The following ROBO2 variants were observed in gnomAD, a reference collection of about 807,000 sequenced individuals.
The protein encoded by ROBO2 is roundabout guidance receptor 2.
ROBO2 carries 53 observed loss-of-function variants against 160.8 expected under a neutral mutation model. That is an observed-to-expected ratio of 0.33 (90% CI 0.26 to 0.41). The LOEUF (loss-of-function observed/expected upper bound fraction) is 0.41, where lower values mean the gene tolerates loss of function less well. Among genes scored for constraint, ROBO2 ranks in the 10% least tolerant of loss-of-function variants. ROBO2 has a pLI of 1.00. For missense variants in ROBO2, 1,577 were observed against 1,722.4 expected, an observed-to-expected ratio of 0.92 and a Z score of 1.49; for synonymous variants, 664 against 611.7, an observed-to-expected ratio of 1.09 and a Z score of -1.26.
chr3:76,889,069 C>T (rs984685581), intron 2 of ROBO2, among the ~76,000 whole-genome samples: 3 of 152,160 alleles, frequency 2.0e-5, no homozygotes, highest in African/African-American at 7.2e-5. Flanking sequence ...GCCAGGCCTA[C>T]ACAACTTCCT....
Position 76,116,035 on chromosome 3 carries a change from A to G in ROBO2, c.109+178433A>G, listed in dbSNP as rs959439374. 2.6e-5 allele frequency among the ~76,000 whole-genome samples: 4 copies of G among 152,186 alleles called. No individual in the cohort carries two copies. The East Asian group carries it at 7.7e-4, about 29-fold the overall frequency. The stretch of plus-strand genomic sequence containing the variant: ...TAACTGGTTTTAACCAAAGTTCAAC[A>G]TATCAGTATTGTTAGAACCAGGTCT... On this transcript the variant is annotated intron_variant, in intron 2 of 26. Coordinates refer to the ROBO2 transcript ENST00000487694.
intron 17 of ROBO2, among the ~76,000 whole-genome samples, chr3:77,594,397 G>C (rs1257505492): frequency 6.6e-6 from 1 of 152,098 alleles, no homozygotes; most frequent in African/African-American, 2.4e-5. Flanking sequence ...ATGTTGTTAG[G>C]TTTGTAGGCT....
intron 2 of ROBO2, among the ~76,000 whole-genome samples, chr3:76,001,522 G>GTGTGTGTA (rs1224612065): frequency 6.6e-6 from 1 of 151,982 alleles, no homozygotes; most frequent in Non-Finnish European, 1.5e-5. Context: ...ATGTGTGTGT[G>GTGTGTGTA]TGTGTGTATG....
intron 2 of ROBO2, among the ~76,000 whole-genome samples, chr3:77,301,878 T>TC (rs1293004828): frequency 1.3e-5 from 2 of 150,388 alleles, no homozygotes; most frequent in Admixed American, 6.6e-5. Context: ...AGCTTCAATT[T>TC]CCTTTTTTTT....
intron 2 of ROBO2, among the ~76,000 whole-genome samples, chr3:76,214,474 C>T (rs1338624553): frequency 6.6e-6 from 1 of 152,172 alleles, no homozygotes; most frequent in Non-Finnish European, 1.5e-5. Flanking sequence ...TAATACTGTG[C>T]TTTTCCAATG....
rs148799202 is a variant in ROBO2, at chr3:76,222,383, A to G, written c.109+284781A>G. ...AGAAAGTATACTTGGAAGAGGGCCA[A>G]GTGGGTGACTTGAAAGACAAGTGTA... On this transcript the variant is annotated intron_variant, in intron 2 of 26. Transcript: ENST00000487694. Among the ~76,000 whole-genome samples, 847 of 152,302 alleles carry G rather than the reference A, an allele frequency of 5.6e-3. 3 individuals are homozygous for G. The highest frequency in any genetic ancestry group is 7.9e-3 in the Non-Finnish European group (539 of 68,038).
intron 16 of ROBO2, among the ~76,000 whole-genome samples, chr3:77,585,619 G>A (rs148007993): frequency 3.9e-4 from 60 of 151,940 alleles, no homozygotes; most frequent in African/African-American, 1.4e-3. Flanking sequence ...TCTATTTTTT[G>A]TGTACACACA....
intron 2 of ROBO2, among the ~76,000 whole-genome samples, chr3:77,225,795 A>G (rs773350699): frequency 1.3e-5 from 2 of 152,032 alleles, no homozygotes; most frequent in African/African-American, 2.4e-5. Context: ...AGCTTATAAT[A>G]ATGTTTAAAA....
At chr3:76,251,146 C>T (rs1045865658) in intron 2 of ROBO2, among the ~76,000 whole-genome samples, 5 of 151,914 alleles carry the variant, frequency 3.3e-5, no homozygotes, top group Admixed American at 2.6e-4. Flanking sequence ...GGTATAAACA[C>T]CATCTATAAT....
chr3:76,669,354 A>G (rs2092175105), intron 2 of ROBO2, among the ~76,000 whole-genome samples: 1 of 152,152 alleles, frequency 6.6e-6, no homozygotes, highest in Non-Finnish European at 1.5e-5. Flanking sequence ...AAAACTTAAC[A>G]TATTTCTTTC....
chr3:75,960,564 C>G (rs372871559), intron 2 of ROBO2, among the ~76,000 whole-genome samples: 42 of 151,684 alleles, frequency 2.8e-4, no homozygotes, highest in African/African-American at 9.9e-4. Context: ...CAAATTTTCT[C>G]GACATTTTTG....
At chr3:76,693,264 G>GTC (rs563769501) in intron 2 of ROBO2, among the ~76,000 whole-genome samples, 2,719 of 105,112 alleles carry the variant, frequency 0.026, 102 homozygotes, top group African/African-American at 0.11. Flanking sequence ...ATACATACAT[G>GTC]TCTCTCTCTC....
chr3:76,710,142 TAG>T (rs2093261183), intron 2 of ROBO2, among the ~76,000 whole-genome samples: 1 of 150,678 alleles, frequency 6.6e-6, no homozygotes, highest in Non-Finnish European at 1.5e-5. Flanking sequence ...TTTTTTGAGA[TAG>T]AGTCTCACTC....
intron 20 of ROBO2, among the ~76,000 whole-genome samples, chr3:77,604,889 T>G (rs139000918): frequency 6.6e-5 from 10 of 152,212 alleles, no homozygotes; most frequent in Admixed American, 6.5e-4. Flanking sequence ...ATTACCCTCT[T>G]TGAAACACTT....
chr3:76,467,295 A>C (rs188765041), intron 2 of ROBO2, among the ~76,000 whole-genome samples: 3 of 152,168 alleles, frequency 2.0e-5, no homozygotes, highest in African/African-American at 7.2e-5. Flanking sequence ...ATTTTAAAAA[A>C]CTCATGGTTA....
chr3:76,109,696 T>C lies in ROBO2; in HGVS notation c.109+172094T>C, dbSNP rs72894564. 4.2e-3 allele frequency among the ~76,000 whole-genome samples: 645 copies of C among 152,126 alleles called. 9 individuals are homozygous for C. Among genetic ancestry groups the C allele is most frequent in the African/African-American group, 0.015 (619 of 41,530 alleles). On this transcript the variant is annotated intron_variant, in intron 2 of 26. Transcript: ENST00000487694. ...TTTTTATTTTTATGGATTTAGAGGG[T>C]ACATACACAGTTTTGTCACATGGCT...
chr3:76,801,324 T>C (rs973685686), intron 2 of ROBO2, among the ~76,000 whole-genome samples: 15 of 152,268 alleles, frequency 9.9e-5, no homozygotes, highest in African/African-American at 3.4e-4. Context: ...TATAGTTATA[T>C]ACAAAGAATA....
intron 2 of ROBO2, among the ~76,000 whole-genome samples, chr3:77,234,130 A>G (rs753568871): frequency 3.3e-5 from 5 of 152,140 alleles, no homozygotes; most frequent in Non-Finnish European, 7.4e-5. Flanking sequence ...TTAAATATGT[A>G]ATATTGCTTT....
At chr3:76,329,995 C>T (rs570435553) in intron 2 of ROBO2, among the ~76,000 whole-genome samples, 1 of 152,204 alleles carries the variant, frequency 6.6e-6, no homozygotes, top group Admixed American at 6.5e-5. Flanking sequence ...TATCTGAATA[C>T]AGGAGTGTGA....
Sources: allele counts gnomAD v4.1 joint callset (sites outside exome capture counted in the v4.1 genomes callset), GRCh38; gene constraint gnomAD v4.1.1; transcripts MANE v1.5; gene names NCBI Gene and HGNC (gene_info 2026-07-23, HGNC 2026-07-21).